CEP128: variants seen among roughly 807,000 people sequenced by gnomAD.
CEP128 encodes centrosomal protein 128.
A neutral mutation model predicts 156.7 loss-of-function variants in CEP128; 132 were observed. The ratio of observed to expected loss-of-function variants is 0.84; its 90% confidence interval spans 0.73 to 0.97. The LOEUF is 0.97. Ranked by LOEUF, CEP128 falls within the 50% of genes least tolerant of loss-of-function variation. The pLI is 0.00. For missense variants in CEP128, 1,252 were observed against 1,281.9 expected, an observed-to-expected ratio of 0.98 and a Z score of 0.36; for synonymous variants, 469 against 448.9, an observed-to-expected ratio of 1.04 and a Z score of -0.57.
At chr14:80,656,063 T>C (rs1446149101) in intron 19 of CEP128, among the ~76,000 whole-genome samples, 1 of 151,392 alleles carries the variant, frequency 6.6e-6, no homozygotes, top group Non-Finnish European at 1.5e-5. Context: ...GCTCCTCCAC[T>C]CCCAGCATTC....
At chr14:80,879,406 C>A (rs1482148832) in intron 8 of CEP128, among the ~76,000 whole-genome samples, 1 of 151,794 alleles carries the variant, frequency 6.6e-6, no homozygotes, top group East Asian at 1.9e-4. Context: ...CTAAAAACTC[C>A]AATGAGATGC....
chr14:80,603,796 C>T (rs1892673648), intron 19 of CEP128, among the ~76,000 whole-genome samples: 1 of 151,914 alleles, frequency 6.6e-6, no homozygotes, highest in Admixed American at 6.6e-5. Context: ...GAGTAGAATC[C>T]CATACTGCTA....
intron 21 of CEP128, among the ~76,000 whole-genome samples, chr14:80,555,423 T>C (rs1890389440): frequency 6.6e-6 from 1 of 152,150 alleles, no homozygotes; most frequent in Non-Finnish European, 1.5e-5. Context: ...TCCTTCCTCA[T>C]TGTAGAAGAA....
At position 80,902,518 on chromosome 14, in the gene CEP128, T is replaced by G. The variant is rs150523871; in HGVS notation, c.480+2295A>C. Among the ~76,000 whole-genome samples the G allele has an allele frequency of 2.0e-3, 309 of 152,264 alleles. 2 individuals are homozygous for G. The highest frequency in any genetic ancestry group is 0.014 in the Middle Eastern group (4 of 294). On this transcript the variant is annotated intron_variant, in intron 6 of 24. Transcript: ENST00000555265. ...CTTAAGATACACTTTGAGTACCTAA[T>G]CCTAAAACTACCAAAACAAAGAGGT...
At chr14:80,686,987 T>C (rs1378955446) in intron 19 of CEP128, among the ~76,000 whole-genome samples, 2 of 152,130 alleles carry the variant, frequency 1.3e-5, no homozygotes, top group African/African-American at 4.8e-5. Context: ...AACACAATAA[T>C]AGTGGGAGAT....
At chr14:80,948,260 A>T (rs1032589119) in intron 2 of CEP128, among the ~76,000 whole-genome samples, 2 of 152,210 alleles carry the variant, frequency 1.3e-5, no homozygotes, top group Non-Finnish European at 2.9e-5. Context: ...TCAAGATAAA[A>T]AAACAAGGTA....
intron 19 of CEP128, among the ~76,000 whole-genome samples, chr14:80,673,427 A>G (rs1810984452): frequency 6.6e-6 from 1 of 151,158 alleles, no homozygotes; most frequent in South Asian, 2.1e-4. Context: ...GCGGATCACG[A>G]GGTCAGGAGA....
intron 2 of CEP128, among the ~76,000 whole-genome samples, chr14:80,929,215 A>G (rs1330764502): frequency 6.6e-6 from 1 of 152,224 alleles, no homozygotes; most frequent in Non-Finnish European, 1.5e-5. Flanking sequence ...ATGTCAAACA[A>G]CAATAGATAT....
intron 19 of CEP128, among the ~76,000 whole-genome samples, chr14:80,652,918 A>T (rs946280811): frequency 6.6e-6 from 1 of 152,206 alleles, no homozygotes; most frequent in African/African-American, 2.4e-5. Context: ...TGTTCATAAC[A>T]GCAAAGACTT....
chr14:80,906,201 T>C, intron 4 of CEP128, 120 bp from the exon 5 acceptor site: 2 of 688,464 alleles, frequency 2.9e-6, no homozygotes, highest in Non-Finnish European at 4.4e-6. Context: ...AAAAAAGGTA[T>C]CAGAAAATTT....
intron 8 of CEP128, among the ~76,000 whole-genome samples, chr14:80,876,042 T>C (rs1888265063): frequency 1.3e-5 from 2 of 152,014 alleles, no homozygotes; most frequent in Non-Finnish European, 1.5e-5. Context: ...GAATTAAAAC[T>C]GACAGAAATG....
chr14:80,719,229 C>G (rs982949192), intron 19 of CEP128, among the ~76,000 whole-genome samples: 3 of 152,168 alleles, frequency 2.0e-5, no homozygotes, highest in Admixed American at 6.5e-5. Flanking sequence ...TAACCTGCCC[C>G]TTAATTTGCA....
At chr14:80,944,669 A>C (rs1381661782), upstream of CEP128, among the ~76,000 whole-genome samples, 1 of 151,718 alleles carries the variant, frequency 6.6e-6, no homozygotes, top group African/African-American at 2.4e-5. Context: ...AAAAATACAA[A>C]AAATTAGCCA....
At chr14:80,713,968 T>C (rs924735147) in intron 19 of CEP128, among the ~76,000 whole-genome samples, 4 of 152,176 alleles carry the variant, frequency 2.6e-5, no homozygotes, top group Non-Finnish European at 1.5e-5. Flanking sequence ...TTTCAGTATC[T>C]AGTGTTTCTC....
chr14:80,539,035 C>T (rs543558416), intron 21 of CEP128, among the ~76,000 whole-genome samples: 5 of 152,276 alleles, frequency 3.3e-5, no homozygotes, highest in African/African-American at 7.2e-5. Flanking sequence ...GCAAATACTA[C>T]GTAAACAAAT....
intron 19 of CEP128, 43 bp from the exon 20 acceptor site, chr14:80,580,466 A>ACGAGTT (rs2140445172): frequency 8.5e-7 from 1 of 1,181,054 alleles, no homozygotes; most frequent in Non-Finnish European, 1.3e-6. Context: ...ACAATGTAAA[A>ACGAGTT]ACGAGTTGCC....
At chr14:80,679,769 C>G (rs1896239015) in intron 19 of CEP128, among the ~76,000 whole-genome samples, 1 of 148,254 alleles carries the variant, frequency 6.7e-6, no homozygotes, top group African/African-American at 2.4e-5. Context: ...TTGTGAACTA[C>G]TCCCTGTTTA....
At chr14:80,585,518 C>A (rs1422368919) in intron 19 of CEP128, among the ~76,000 whole-genome samples, 2 of 152,142 alleles carry the variant, frequency 1.3e-5, no homozygotes, top group African/African-American at 2.4e-5. Context: ...TTTCTTTAAC[C>A]ATTCCTATAA....
chr14:80,655,713 C>T (rs140378909), intron 19 of CEP128, among the ~76,000 whole-genome samples: 92 of 152,150 alleles, frequency 6.0e-4, no homozygotes, highest in African/African-American at 2.2e-3. Flanking sequence ...GGGATTGTTT[C>T]GCTGGTAGAA....
Sources: allele counts gnomAD v4.1 joint callset (sites outside exome capture counted in the v4.1 genomes callset), GRCh38; gene constraint gnomAD v4.1.1; transcripts MANE v1.5; gene names NCBI Gene and HGNC (gene_info 2026-07-23, HGNC 2026-07-21).